Variants in NDEL1 observed in about 807,000 individuals in gnomAD.
NDEL1 encodes the protein nuclear distribution protein nudE-like 1.
In NDEL1, 9 loss-of-function variants were observed where a neutral mutation model predicts 45.7. That is an observed-to-expected ratio of 0.20 (90% CI 0.12 to 0.34). NDEL1 has a LOEUF of 0.34. Among genes scored for constraint, NDEL1 ranks in the 10% least tolerant of loss-of-function variants. The pLI is 1.00. For synonymous variants in NDEL1, 133 were observed against 158.6 expected (o/e 0.84, Z 1.21); for missense variants, 306 against 406.2 (o/e 0.75, Z 2.12).
chr17:8,451,044 T>C lies in NDEL1; in HGVS notation c.700+91T>C, dbSNP rs537160412. ...AAGGCGGTTGCTAAGGTTTAAAGAG[T>C]AATTTTAGTTTAAAAGTTGGTGAAG... On this transcript the variant is annotated intron_variant, in intron 6 of 8. Transcript: ENST00000334527. 1.0e-5 allele frequency: 13 copies of C among 1,290,280 alleles called. No individual in the cohort carries two copies. The South Asian group carries it at 2.0e-4, about 20-fold the overall frequency. The allele number at this position is 1,290,280 out of a possible 1,614,324, so 79.9% of individuals were successfully genotyped here.
upstream of NDEL1, among the ~76,000 whole-genome samples, chr17:8,435,319 G>A (rs1053542385): frequency 2.6e-5 from 4 of 152,124 alleles, no homozygotes; most frequent in African/African-American, 9.7e-5. Context: ...CGTCCACTTT[G>A]CCTAGAACCA....
intron 7 of NDEL1, among the ~76,000 whole-genome samples, chr17:8,455,223 G>T (rs537605243): frequency 1.1e-4 from 17 of 152,186 alleles, no homozygotes; most frequent in Non-Finnish European, 2.4e-4. Context: ...CTTTGCTGCT[G>T]TCTACCGTCT....
At chr17:8,459,030 C>T (rs991726148) in intron 7 of NDEL1, among the ~76,000 whole-genome samples, 2 of 152,156 alleles carry the variant, frequency 1.3e-5, no homozygotes, top group African/African-American at 4.8e-5. Flanking sequence ...CTGCACCCAA[C>T]CATTGTTGCT....
chr17:8,463,341 C>T (rs761714638), intron 8 of NDEL1: 4 of 1,612,854 alleles, frequency 2.5e-6, no homozygotes, highest in Non-Finnish European at 2.5e-6. Context: ...TCATATTTCC[C>T]ACGTTGTTCA....
At chr17:8,428,249 A>G (rs2151697528) in intron 1 of NDEL1, among the ~76,000 whole-genome samples, 1 of 151,802 alleles carries the variant, frequency 6.6e-6, no homozygotes, top group East Asian at 1.9e-4. Flanking sequence ...GCAGGCACTA[A>G]ACTCCTTGCT....
At position 8,435,923 on chromosome 17, in the gene NDEL1, C is replaced by A. The variant is rs1190522471; in HGVS notation, c.-135C>A. The stretch of plus-strand genomic sequence containing the variant: ...CGGGGAGGAGCCGGGCGCGGAGGTA[C>A]GCTGAGTGGAGCTCGGGGCTGCGTA... On this transcript the variant is annotated 5_prime_UTR_variant, in exon 1 of 9. Transcript: ENST00000334527. 3 of 447,842 alleles carry A rather than the reference C, an allele frequency of 6.7e-6. No homozygotes were observed. The highest frequency in any genetic ancestry group is 2.4e-5 in the Admixed American group (1 of 42,118). The allele number at this position is 447,842 out of a possible 1,614,324, so 27.7% of individuals were successfully genotyped here. A position where few individuals can be genotyped will look rare whatever the true frequency, so the allele number is the denominator to read the frequency against.
chr17:8,472,241 T>G (rs1911856564), downstream of NDEL1, among the ~76,000 whole-genome samples: 1 of 152,188 alleles, frequency 6.6e-6, no homozygotes. Context: ...GCCTTACGGC[T>G]CACAGTTCAT....
At chr17:8,459,927 G>A in intron 7 of NDEL1, 82 bp from the exon 8 acceptor site, 1 of 1,428,468 alleles carries the variant, frequency 7.0e-7, no homozygotes. Context: ...TTTGAGGCTT[G>A]AAATAGAAAT....
chr17:8,466,667 GA>G (rs1178226410), intron 8 of NDEL1: 3 of 472,296 alleles, frequency 6.4e-6, no homozygotes, highest in Non-Finnish European at 1.1e-5. Flanking sequence ...TATGGGGAAA[GA>G]ATCAGGACTG....
Position 8,447,857 on chromosome 17 carries a change from T to C in NDEL1, c.390-693T>C, listed in dbSNP as rs576688519. On this transcript the variant is annotated intron_variant, in intron 4 of 8. Coordinates refer to ENST00000334527, the MANE Select transcript of NDEL1 (RefSeq NM_030808.5). ...ACTTACAGATGCGGAGCTAGTCTGG[T>C]CACTACCCTTGGGGGTGACAGATAT... Among the ~76,000 whole-genome samples, 81 of 152,174 alleles carry C rather than the reference T, an allele frequency of 5.3e-4. 1 individual carries two copies. Among genetic ancestry groups the C allele is most frequent in the African/African-American group, 1.9e-3 (77 of 41,504 alleles).
chr17:8,445,602 G>T, intron 2 of NDEL1, 109 bp from the exon 3 acceptor site: 1 of 1,101,566 alleles, frequency 9.1e-7, no homozygotes, highest in Non-Finnish European at 1.3e-6. Context: ...TATATTTTAT[G>T]AGAGCATTAG....
chr17:8,445,676 G>A (rs1322520372), intron 2 of NDEL1, 35 bp from the exon 3 acceptor site: 1 of 1,580,516 alleles, frequency 6.3e-7, no homozygotes. Flanking sequence ...GTGGTTCTTA[G>A]TGTAACTCGT....
chr17:8,442,152 A>G (rs1364885432), intron 1 of NDEL1, among the ~76,000 whole-genome samples: 2 of 152,064 alleles, frequency 1.3e-5, no homozygotes, highest in Non-Finnish European at 2.9e-5. Flanking sequence ...TCAACTCCCT[A>G]TTCTTTGATG....
intron 1 of NDEL1, among the ~76,000 whole-genome samples, chr17:8,422,778 C>T (rs1908735733): frequency 6.6e-6 from 1 of 150,976 alleles, no homozygotes; most frequent in Admixed American, 6.6e-5. Flanking sequence ...GCTCTGTCAC[C>T]CAGGCTGGAG....
chr17:8,434,249 G>A (rs1292398842), upstream of NDEL1, among the ~76,000 whole-genome samples: 2 of 152,060 alleles, frequency 1.3e-5, no homozygotes, highest in Non-Finnish European at 2.9e-5. Context: ...GTTTTTAGAC[G>A]GAGTCTCACT....
chr17:8,435,080 C>G (rs1311000171), upstream of NDEL1, among the ~76,000 whole-genome samples: 1 of 151,754 alleles, frequency 6.6e-6, no homozygotes, highest in Non-Finnish European at 1.5e-5. Flanking sequence ...CAAAAACAAA[C>G]AAACAAACAA....
At position 8,465,401 on chromosome 17, in the gene NDEL1, A is replaced by G. The variant is rs925178982; in HGVS notation, c.945-1529A>G. On this transcript the variant is annotated intron_variant, in intron 8 of 8. Coordinates refer to ENST00000334527, the MANE Select transcript of NDEL1 (RefSeq NM_030808.5). The surrounding 1 kb of genome is among the most constrained non-coding windows in gnomAD (Gnocchi z 4.9). ...TCGTCGAAGTAGGACAGTGTGCAAC[A>G]GGGAGAAATGACATTTGTCAGAGCC... The G allele has an allele frequency of 1.3e-5, 2 of 152,254 alleles. No individual in the cohort carries two copies. Among genetic ancestry groups the G allele is most frequent in the African/African-American group, 4.8e-5 (2 of 41,472 alleles). 9.4% of individuals were successfully genotyped at this position (152,254 alleles called of 1,614,324 possible). A position where few individuals can be genotyped will look rare whatever the true frequency, so the allele number is the denominator to read the frequency against.
At position 8,420,867 on chromosome 17, in the gene NDEL1, T is replaced by C. The variant is rs549818257; in HGVS notation, c.-13+7598T>C. On this transcript the variant is annotated intron_variant, in intron 1 of 4. Transcript: ENST00000582812. The stretch of plus-strand genomic sequence containing the variant: ...GAGCATGGAGACAGGAAGCAGAAGT[T>C]GTGGGTGTAGCTGAAGTTTTGCTCT... 4.6e-5 allele frequency among the ~76,000 whole-genome samples: 7 copies of C among 152,308 alleles called. No individual in the cohort carries two copies. The East Asian group carries it at 1.3e-3, about 29-fold the overall frequency.
intron 5 of NDEL1, among the ~76,000 whole-genome samples, chr17:8,450,161 C>T (rs1178151922): frequency 6.6e-6 from 1 of 151,834 alleles, no homozygotes; most frequent in Non-Finnish European, 1.5e-5. Flanking sequence ...TGGTGGCGGG[C>T]ACCTGTAATC....
Sources: allele counts gnomAD v4.1 joint callset (sites outside exome capture counted in the v4.1 genomes callset), GRCh38; gene constraint gnomAD v4.1.1; non-coding constraint Gnocchi (gnomAD v3.1); transcripts MANE v1.5; gene names NCBI Gene and HGNC (gene_info 2026-07-23, HGNC 2026-07-21).